The following TMIGD3 variants were observed in gnomAD, a reference collection of about 807,000 sequenced individuals.
TMIGD3 encodes AD026 protein (AD026).
In TMIGD3, 21 loss-of-function variants were observed where a neutral mutation model predicts 28.1. That is an observed-to-expected ratio of 0.75 (90% confidence interval 0.53 to 1.08). TMIGD3 has a LOEUF of 1.08. TMIGD3 is among the 50% of genes least tolerant of loss of function. The pLI is 0.00. For missense variants in TMIGD3, 416 were observed against 435.6 expected, an observed-to-expected ratio of 0.96 and a Z score of 0.40; for synonymous variants, 151 against 162.1, an observed-to-expected ratio of 0.93 and a Z score of 0.52.
chr1:111,532,303 AC>A, intron 1 of TMIGD3, among the ~76,000 whole-genome samples: 1 of 152,262 alleles, frequency 6.6e-6, no homozygotes, highest in Non-Finnish European at 1.5e-5. Context: ...TATCTTCTCA[AC>A]CACAGGAAGG....
chr1:111,498,233 G>T (rs912451064), intron 1 of TMIGD3, among the ~76,000 whole-genome samples: 1 of 152,194 alleles, frequency 6.6e-6, no homozygotes, highest in Non-Finnish European at 1.5e-5. Flanking sequence ...TTTCAGATAC[G>T]CTTACCCACT....
At chr1:111,558,651 G>T (rs774499531) in intron 1 of TMIGD3, among the ~76,000 whole-genome samples, 1 of 147,008 alleles carries the variant, frequency 6.8e-6, no homozygotes, top group African/African-American at 2.7e-5. Context: ...CAAAAATTTT[G>T]CTAAAATAAA....
At chr1:111,511,674 T>TACACACGCACAC (rs140254297) in intron 1 of TMIGD3, among the ~76,000 whole-genome samples, 1 of 148,842 alleles carries the variant, frequency 6.7e-6, no homozygotes, top group East Asian at 2.0e-4. Flanking sequence ...TGGTGCCCTT[T>TACACACGCACAC]ACACACACAC....
intron 2 of TMIGD3, chr1:111,489,636 A>G: frequency 8.5e-7 from 1 of 1,176,438 alleles, no homozygotes; most frequent in Non-Finnish European, 1.1e-6. Context: ...CCATTGCTTG[A>G]CGGAGGGCCT....
chr1:111,492,840 C>G (rs1245872105), intron 1 of TMIGD3, among the ~76,000 whole-genome samples: 1 of 147,782 alleles, frequency 6.8e-6, no homozygotes. Context: ...AAAAGTATCT[C>G]TAAAGTAAAT....
chr1:111,539,458 C>T (rs1398153730), intron 1 of TMIGD3, among the ~76,000 whole-genome samples: 1 of 152,134 alleles, frequency 6.6e-6, no homozygotes, highest in Non-Finnish European at 1.5e-5. Context: ...CCATCAAGCC[C>T]AGCTAATTTT....
At chr1:111,540,359 TG>T in intron 1 of TMIGD3, among the ~76,000 whole-genome samples, 1 of 152,344 alleles carries the variant, frequency 6.6e-6, no homozygotes, top group African/African-American at 2.4e-5. Flanking sequence ...CTCCTTGGCA[TG>T]GGGCAGCAGC....
intron 2 of TMIGD3, 31 bp from the exon 3 acceptor site, chr1:111,489,055 G>A (rs775531863): frequency 4.6e-6 from 7 of 1,505,378 alleles, no homozygotes; most frequent in Admixed American, 1.7e-5. Flanking sequence ...ACGCACACGT[G>A]CACACACACA....
At chr1:111,484,690 T>C (rs1375055101) in intron 5 of TMIGD3, among the ~76,000 whole-genome samples, 3 of 152,240 alleles carry the variant, frequency 2.0e-5, no homozygotes, top group Non-Finnish European at 4.4e-5. Flanking sequence ...CAGATTCTTC[T>C]GGCTATGGAT....
chr1:111,484,367 C>T (rs903260551), intron 5 of TMIGD3, among the ~76,000 whole-genome samples: 10 of 152,094 alleles, frequency 6.6e-5, no homozygotes, highest in African/African-American at 2.2e-4. Flanking sequence ...AAATGAGACC[C>T]TCAATTTATA....
At chr1:111,505,011 C>T, upstream of TMIGD3, 1 of 984,524 alleles carries the variant, frequency 1.0e-6, no homozygotes, top group Non-Finnish European at 1.2e-6. Context: ...ACTTGAAAAG[C>T]TTCATCGGCC....
In TMIGD3 at chr1:111,485,728, AT is replaced by A; in HGVS notation, c.973+11del. The A allele has an allele frequency of 6.8e-7, 1 of 1,471,022 alleles. No homozygotes were observed. The highest frequency in any genetic ancestry group is 9.4e-7 in the Non-Finnish European group (1 of 1,066,834). 91.1% of individuals were successfully genotyped at this position (1,471,022 alleles called of 1,614,324 possible). On this transcript the variant is annotated intron_variant, in intron 5 of 5. Transcript: ENST00000369716. Reference sequence around the variant, plus strand: ...TTCTTGCCCACCCCCTCCCTCAACAATAGCTACTTACCCCTTCTATTCCTTT... The same window carrying A: ...TTCTTGCCCACCCCCTCCCTCAACAAAGCTACTTACCCCTTCTATTCCTTT...
upstream of TMIGD3, among the ~76,000 whole-genome samples, chr1:111,506,938 CAT>C (rs1655517434): frequency 1.6e-5 from 2 of 125,142 alleles, no homozygotes; most frequent in Non-Finnish European, 3.3e-5. Flanking sequence ...CACACACACA[CAT>C]ATATATACAC....
chr1:111,512,878 G>A (rs1006226744), intron 1 of TMIGD3, among the ~76,000 whole-genome samples: 4 of 152,188 alleles, frequency 2.6e-5, no homozygotes, highest in Non-Finnish European at 5.9e-5. Flanking sequence ...CTCTATCCCT[G>A]TTCCAACTGC....
intron 1 of TMIGD3, among the ~76,000 whole-genome samples, chr1:111,491,944 C>T (rs868447058): frequency 6.6e-6 from 1 of 152,186 alleles, no homozygotes; most frequent in Admixed American, 6.5e-5. Flanking sequence ...GTAGTCCCCT[C>T]CCACACTGAA....
chr1:111,488,290 T>A (rs1167735140), intron 3 of TMIGD3, among the ~76,000 whole-genome samples: 1 of 150,832 alleles, frequency 6.6e-6, no homozygotes, highest in Non-Finnish European at 1.5e-5. Context: ...TGGCGCAATC[T>A]CGGCTCACTG....
At chr1:111,522,911 C>A (rs1386255540) in intron 1 of TMIGD3, among the ~76,000 whole-genome samples, 2 of 152,196 alleles carry the variant, frequency 1.3e-5, no homozygotes, top group African/African-American at 4.8e-5. Flanking sequence ...ATTTTCTACA[C>A]AGGCAATCAT....
intron 3 of TMIGD3, among the ~76,000 whole-genome samples, chr1:111,487,287 A>AC (rs1382047803): frequency 6.6e-6 from 1 of 152,188 alleles, no homozygotes; most frequent in Non-Finnish European, 1.5e-5. Flanking sequence ...AAGTAGAAAC[A>AC]CTGTGGGTGT....
intron 1 of TMIGD3, among the ~76,000 whole-genome samples, chr1:111,516,085 G>T (rs1434900056): frequency 6.6e-6 from 1 of 152,232 alleles, no homozygotes. Context: ...TTTGCCCCCT[G>T]CCTGCCAGGA....
Sources: allele counts gnomAD v4.1 joint callset (sites outside exome capture counted in the v4.1 genomes callset), GRCh38; gene constraint gnomAD v4.1.1; transcripts MANE v1.5; gene names NCBI Gene and HGNC (gene_info 2026-07-23, HGNC 2026-07-21).